The following CNTN6 variants were observed in gnomAD, a reference collection of about 807,000 sequenced individuals.
CNTN6 encodes the protein contactin-6.
In CNTN6, 137 loss-of-function variants were observed where a neutral mutation model predicts 122.8. The observed-to-expected ratio is 1.12, with a 90% CI of 0.97 to 1.29. CNTN6 has a LOEUF of 1.29. CNTN6 is among the 50% of genes most tolerant of loss of function. The pLI is 0.00. For synonymous variants in CNTN6, 570 were observed against 426.0 expected (o/e 1.34, Z -4.16); for missense variants, 1,634 against 1,223.4 (o/e 1.34, Z -5.01).
Position 1,382,827 on chromosome 3 carries a change from G to A in CNTN6, c.2167-115G>A, listed in dbSNP as rs541876883. Reference sequence around the variant, plus strand: ...GTGTTTTTTAATACATCATTAAACAGAATAAATATCCATATTTGTCTCTAT... The same window carrying A: ...GTGTTTTTTAATACATCATTAAACAAAATAAATATCCATATTTGTCTCTAT... On this transcript the variant is annotated intron_variant, in intron 17 of 22. Coordinates refer to ENST00000446702, the MANE Select transcript of CNTN6 (RefSeq NM_001289080.2). 6.0e-5 allele frequency: 43 copies of A among 721,154 alleles called. No individual in the cohort carries two copies. The South Asian group carries it at 8.1e-4, about 14-fold the overall frequency. 44.7% of individuals were successfully genotyped at this position (721,154 alleles called of 1,614,324 possible).
At chr3:1,387,238 C>A (rs1401667949) in intron 20 of CNTN6, among the ~76,000 whole-genome samples, 1 of 152,170 alleles carries the variant, frequency 6.6e-6, no homozygotes, top group African/African-American at 2.4e-5. Context: ...GCCTGTGGAG[C>A]AAAAATTTTT....
At chr3:1,240,398 T>C (rs908946810) in intron 4 of CNTN6, among the ~76,000 whole-genome samples, 3 of 152,134 alleles carry the variant, frequency 2.0e-5, no homozygotes, top group African/African-American at 7.2e-5. Flanking sequence ...GATATACAAA[T>C]GGCAAGCAAG....
intron 2 of CNTN6, among the ~76,000 whole-genome samples, chr3:1,149,081 G>C (rs1387152668): frequency 5.9e-5 from 9 of 152,084 alleles, no homozygotes; most frequent in African/African-American, 2.2e-4. Context: ...TACATCTCTT[G>C]ATAGAAAAGC....
intron 4 of CNTN6, among the ~76,000 whole-genome samples, chr3:1,243,765 C>G (rs1324464309): frequency 2.0e-5 from 3 of 152,090 alleles, no homozygotes; most frequent in Non-Finnish European, 4.4e-5. Flanking sequence ...AAACTGTAAG[C>G]CAGACCGGGT....
intron 2 of CNTN6, among the ~76,000 whole-genome samples, chr3:1,213,952 T>A (rs1019796633): frequency 1.2e-4 from 18 of 152,228 alleles, no homozygotes; most frequent in African/African-American, 4.3e-4. Flanking sequence ...ATCTATAGAC[T>A]TTTTGCTGTG....
intron 4 of CNTN6, among the ~76,000 whole-genome samples, chr3:1,254,302 A>C (rs1341145522): frequency 2.0e-5 from 3 of 152,134 alleles, no homozygotes; most frequent in Non-Finnish European, 2.9e-5. Context: ...AAATGTCATC[A>C]GAGTACAATT....
intron 4 of CNTN6, among the ~76,000 whole-genome samples, chr3:1,240,340 T>A (rs1204689696): frequency 6.6e-6 from 1 of 151,412 alleles, no homozygotes; most frequent in Non-Finnish European, 1.5e-5. Context: ...AAACAAACAA[T>A]CCCATTAAAA....
chr3:1,214,141 C>A (rs982800339), intron 2 of CNTN6, among the ~76,000 whole-genome samples: 1 of 151,774 alleles, frequency 6.6e-6, no homozygotes, highest in Non-Finnish European at 1.5e-5. Flanking sequence ...TCCCATTATT[C>A]CTCTTTCATT....
chr3:1,240,654 T>C (rs1235175220), intron 4 of CNTN6, among the ~76,000 whole-genome samples: 1 of 150,020 alleles, frequency 6.7e-6, no homozygotes, highest in Non-Finnish European at 1.5e-5. Context: ...TACCGTTTGA[T>C]CCAGCAATCC....
intron 7 of CNTN6, among the ~76,000 whole-genome samples, chr3:1,305,450 A>G (rs1176189765): frequency 6.6e-6 from 1 of 152,188 alleles, no homozygotes; most frequent in East Asian, 1.9e-4. Flanking sequence ...TTTGTTTAAC[A>G]TGGTGGACTC....
intron 11 of CNTN6, among the ~76,000 whole-genome samples, chr3:1,337,821 C>A (rs1205499555): frequency 6.6e-6 from 1 of 152,076 alleles, no homozygotes; most frequent in Non-Finnish European, 1.5e-5. Context: ...TTGCCTGTTT[C>A]ACATGAAGAT....
intron 4 of CNTN6, among the ~76,000 whole-genome samples, chr3:1,259,990 C>A (rs1213263975): frequency 6.6e-6 from 1 of 152,062 alleles, no homozygotes; most frequent in Non-Finnish European, 1.5e-5. Context: ...AGTAGATTTT[C>A]ACAGGTTCTG....
intron 20 of CNTN6, among the ~76,000 whole-genome samples, chr3:1,387,847 TTC>T (rs146118280): frequency 0.033 from 4,978 of 152,198 alleles, 115 homozygotes; most frequent in South Asian, 0.055. Context: ...TATTGCGCTT[TTC>T]GGACCAGCTT....
intron 19 of CNTN6, 55 bp downstream of exon 19, chr3:1,383,463 A>G: frequency 2.3e-6 from 3 of 1,309,672 alleles, no homozygotes; most frequent in Non-Finnish European, 3.3e-6. Context: ...ACTTCGCAAT[A>G]GCTCCTATTC....
intron 1 of CNTN6, among the ~76,000 whole-genome samples, chr3:1,142,844 G>A (rs573393112): frequency 6.6e-5 from 10 of 151,614 alleles, no homozygotes; most frequent in East Asian, 3.9e-4. Flanking sequence ...GTACGAATTC[G>A]TATGTATTTC....
At chr3:1,187,287 T>A (rs2093642424) in intron 2 of CNTN6, among the ~76,000 whole-genome samples, 2 of 152,016 alleles carry the variant, frequency 1.3e-5, no homozygotes, top group Non-Finnish European at 1.5e-5. Context: ...TTTTTTTTTT[T>A]CTTTCTGACA....
intron 2 of CNTN6, among the ~76,000 whole-genome samples, chr3:1,207,674 A>G (rs1373957277): frequency 2.0e-5 from 3 of 151,990 alleles, no homozygotes; most frequent in African/African-American, 7.2e-5. Context: ...GCCTCCCTCA[A>G]TTAGAATACA....
At chr3:1,255,874 T>G (rs963782264) in intron 4 of CNTN6, among the ~76,000 whole-genome samples, 2 of 151,936 alleles carry the variant, frequency 1.3e-5, no homozygotes, top group African/African-American at 4.8e-5. Context: ...AGTTTTAGTT[T>G]TATTGTTTTT....
intron 20 of CNTN6, among the ~76,000 whole-genome samples, chr3:1,388,132 G>C (rs1168953047): frequency 6.6e-6 from 1 of 152,098 alleles, no homozygotes; most frequent in Non-Finnish European, 1.5e-5. Context: ...CAAAAAGACA[G>C]CAGTAACGTC....
Sources: gnomAD v4.1 joint callset for allele counts (sites outside exome capture counted in the v4.1 genomes callset) on GRCh38, gnomAD v4.1.1 for gene constraint, MANE v1.5 for transcripts, NCBI Gene and HGNC (gene_info 2026-07-23, HGNC 2026-07-21) for gene names.